Variants in PPP3CA observed in about 807,000 individuals in gnomAD.
The protein encoded by PPP3CA is CAM-PRP catalytic subunit.
Under a neutral mutation model 66.5 loss-of-function variants are expected in PPP3CA, and 14 were observed. The ratio of observed to expected loss-of-function variants is 0.21; its 90% CI spans 0.14 to 0.33. The LOEUF (loss-of-function observed/expected upper bound fraction) is 0.33. Among genes scored for constraint, PPP3CA ranks in the 10% least tolerant of loss-of-function variants. The pLI is 1.00. For synonymous variants in PPP3CA, 232 were observed against 226.2 expected (o/e 1.03, Z -0.23); for missense variants, 317 against 639.5 (o/e 0.50, Z 5.44).
chr4:101,280,012 T>C lies in PPP3CA; in HGVS notation c.58+66727A>G, dbSNP rs901755643. On this transcript the variant is annotated intron_variant, in intron 1 of 13. Transcript: ENST00000394854. ...ATCAACTATAACATCATCGTGGTAG[T>C]AATGTTCATGTAGTCTTTTCCCTCA... 1.1e-4 allele frequency among the ~76,000 whole-genome samples: 17 copies of C among 152,258 alleles called. 1 individual carries two copies. Among genetic ancestry groups the C allele is most frequent in the Non-Finnish European group, 2.9e-5 (2 of 68,044 alleles).
intron 2 of PPP3CA, among the ~76,000 whole-genome samples, chr4:101,117,949 TAA>T (rs1345754445): frequency 1.3e-5 from 2 of 152,008 alleles, no homozygotes; most frequent in Non-Finnish European, 2.9e-5. Context: ...TAAATATTAA[TAA>T]GTTATTATTA....
chr4:101,078,573 C>A (rs1440078272), intron 8 of PPP3CA, among the ~76,000 whole-genome samples: 1 of 151,994 alleles, frequency 6.6e-6, no homozygotes, highest in Non-Finnish European at 1.5e-5. Context: ...TTAAATTACC[C>A]AAATGTCTTA....
At chr4:101,301,175 T>TAA (rs1728363329) in intron 1 of PPP3CA, among the ~76,000 whole-genome samples, 1 of 151,914 alleles carries the variant, frequency 6.6e-6, no homozygotes, top group Non-Finnish European at 1.5e-5. Context: ...CTCATTTATA[T>TAA]AAATACATAT....
intron 1 of PPP3CA, among the ~76,000 whole-genome samples, chr4:101,268,681 A>T (rs527348183): frequency 6.6e-6 from 1 of 152,258 alleles, no homozygotes; most frequent in East Asian, 1.9e-4. Flanking sequence ...TCCCTATAGC[A>T]TATTATTTAT....
At chr4:101,184,984 C>T (rs1269472999) in intron 2 of PPP3CA, among the ~76,000 whole-genome samples, 1 of 152,074 alleles carries the variant, frequency 6.6e-6, no homozygotes, top group African/African-American at 2.4e-5. Context: ...CAAAAAATTG[C>T]AAGCTATATG....
chr4:101,153,934 C>T (rs1723225111), intron 2 of PPP3CA, among the ~76,000 whole-genome samples: 2 of 151,702 alleles, frequency 1.3e-5, no homozygotes, highest in Admixed American at 1.3e-4. Context: ...AAAAAAAGCA[C>T]AATACATTTG....
At chr4:101,110,780 A>G (rs1721643670) in intron 2 of PPP3CA, among the ~76,000 whole-genome samples, 1 of 152,176 alleles carries the variant, frequency 6.6e-6, no homozygotes, top group African/African-American at 2.4e-5. Context: ...TGATATCTAA[A>G]CCAAGGGGGA....
chr4:101,212,848 A>G (rs2110206515), intron 1 of PPP3CA, among the ~76,000 whole-genome samples: 1 of 152,248 alleles, frequency 6.6e-6, no homozygotes, highest in South Asian at 2.1e-4. Flanking sequence ...TATTAAAAAA[A>G]AAATCTGGGT....
intron 10 of PPP3CA, among the ~76,000 whole-genome samples, chr4:101,043,665 G>C (rs531727023): frequency 6.6e-6 from 1 of 152,088 alleles, no homozygotes; most frequent in South Asian, 2.1e-4. Flanking sequence ...ACGAGGTTGG[G>C]AGATCGAGAC....
At chr4:101,223,227 C>T (rs1489637402) in intron 1 of PPP3CA, among the ~76,000 whole-genome samples, 3 of 151,794 alleles carry the variant, frequency 2.0e-5, no homozygotes, top group East Asian at 1.9e-4. Context: ...AGGTAATTAA[C>T]TTACTGATTC....
intron 6 of PPP3CA, among the ~76,000 whole-genome samples, chr4:101,091,025 A>G (rs1373289639): frequency 6.6e-6 from 1 of 152,032 alleles, no homozygotes; most frequent in Admixed American, 6.5e-5. Flanking sequence ...ATAATATTAT[A>G]TAAGTTCAGT....
chr4:101,064,065 TAATAA>T (rs1728584423), intron 8 of PPP3CA, among the ~76,000 whole-genome samples: 1 of 151,980 alleles, frequency 6.6e-6, no homozygotes, highest in African/African-American at 2.4e-5. Context: ...TTTCTTGACT[TAATAA>T]AATAAAATGT....
At chr4:101,037,273 A>C (rs915823803) in intron 11 of PPP3CA, among the ~76,000 whole-genome samples, 1 of 152,182 alleles carries the variant, frequency 6.6e-6, no homozygotes, top group African/African-American at 2.4e-5. Flanking sequence ...CTGCTTCCTC[A>C]TGATGCTCAA....
At chr4:101,037,415 G>T (rs185646808) in intron 11 of PPP3CA, among the ~76,000 whole-genome samples, 1 of 152,114 alleles carries the variant, frequency 6.6e-6, no homozygotes, top group South Asian at 2.1e-4. Context: ...TTTCCAAAAC[G>T]TAAGAAACAT....
chr4:101,156,070 C>G (rs936037578), intron 2 of PPP3CA, among the ~76,000 whole-genome samples: 1 of 152,110 alleles, frequency 6.6e-6, no homozygotes, highest in Non-Finnish European at 1.5e-5. Context: ...CACACCCAGA[C>G]AGTCTGATTC....
intron 1 of PPP3CA, among the ~76,000 whole-genome samples, chr4:101,299,106 GTTT>G (rs556244769): frequency 1.2e-4 from 10 of 85,552 alleles, no homozygotes; most frequent in African/African-American, 5.0e-4. Flanking sequence ...GCCATATATC[GTTT>G]TTTTTTTTTT....
chr4:101,187,246 G>T (rs1241074155), intron 2 of PPP3CA, among the ~76,000 whole-genome samples: 1 of 151,916 alleles, frequency 6.6e-6, no homozygotes, highest in African/African-American at 2.4e-5. Context: ...TCTTATTTCT[G>T]TCATTTTTTT....
At chr4:101,094,525 T>C (rs192652140) in intron 5 of PPP3CA, among the ~76,000 whole-genome samples, 1 of 152,350 alleles carries the variant, frequency 6.6e-6, no homozygotes, top group Non-Finnish European at 1.5e-5. Context: ...TCTAGGTTTC[T>C]AATGATAAAC....
In PPP3CA at chr4:101,025,754, A is replaced by T. The variant is rs925541118; in HGVS notation, c.*111T>A. On this transcript the variant is annotated 3_prime_UTR_variant, in exon 14 of 14. Transcript: ENST00000394854. ...CAATTCCTGGCCCCCAGAGCAAATA[A>T]GCTACTGTCAGAGGCAAGAACATCC... 8 of 835,108 alleles carry T rather than the reference A, an allele frequency of 9.6e-6. No individual in the cohort carries two copies. The highest frequency in any genetic ancestry group is 1.7e-5 in the African/African-American group (1 of 57,474). 51.7% of individuals were successfully genotyped at this position (835,108 alleles called of 1,614,324 possible).
Sources: gnomAD v4.1 joint callset for allele counts (sites outside exome capture counted in the v4.1 genomes callset) on GRCh38, gnomAD v4.1.1 for gene constraint, MANE v1.5 for transcripts, NCBI Gene and HGNC (gene_info 2026-07-23, HGNC 2026-07-21) for gene names.